ATXN1: variants seen among roughly 807,000 people sequenced by gnomAD.
The protein encoded by ATXN1 is ataxin 1, also known as ataxin-1.
In ATXN1, 8 loss-of-function variants were observed where a neutral mutation model predicts 56.4. The ratio of observed to expected loss-of-function variants is 0.14; its 90% confidence interval spans 0.08 to 0.26. The LOEUF (loss-of-function observed/expected upper bound fraction) is 0.26. Among genes scored for constraint, ATXN1 ranks in the 10% least tolerant of loss-of-function variants. The probability of loss-of-function intolerance (pLI) is 1.00; values close to 1 mark genes in which losing one functional copy is unlikely to be tolerated. For synonymous variants in ATXN1, 514 were observed against 494.6 expected (o/e 1.04, Z -0.52); for missense variants, 987 against 1,106.5 (o/e 0.89, Z 1.53).
chr6:16,338,115 G>A (rs1425889047), intron 6 of ATXN1, among the ~76,000 whole-genome samples: 1 of 152,170 alleles, frequency 6.6e-6, no homozygotes, highest in Admixed American at 6.5e-5. Flanking sequence ...ACACAGAATT[G>A]TAGTTAGAGT....
chr6:16,647,893 C>T (rs71554586), intron 3 of ATXN1, among the ~76,000 whole-genome samples: 8 of 152,074 alleles, frequency 5.3e-5, no homozygotes, highest in East Asian at 3.9e-4. Flanking sequence ...CTGGCCAATA[C>T]GGTGAGACCC....
chr6:16,521,021 C>T (rs1761278173), intron 5 of ATXN1, among the ~76,000 whole-genome samples: 1 of 152,182 alleles, frequency 6.6e-6, no homozygotes, highest in Admixed American at 6.5e-5. Context: ...TAATACTACC[C>T]TTTGACCACT....
At chr6:16,347,090 G>A (rs1761425444) in intron 6 of ATXN1, among the ~76,000 whole-genome samples, 1 of 152,240 alleles carries the variant, frequency 6.6e-6, no homozygotes, top group Non-Finnish European at 1.5e-5. Flanking sequence ...CAGGGCTCGG[G>A]ACCTGCAGCC....
intron 6 of ATXN1, among the ~76,000 whole-genome samples, chr6:16,392,986 G>A (rs1016568405): frequency 6.6e-6 from 1 of 152,172 alleles, no homozygotes; most frequent in East Asian, 1.9e-4. Flanking sequence ...CTCATAAGAG[G>A]TCACATGGCT....
intron 6 of ATXN1, among the ~76,000 whole-genome samples, chr6:16,378,903 C>T (rs1400614671): frequency 6.6e-6 from 1 of 152,122 alleles, no homozygotes; most frequent in Non-Finnish European, 1.5e-5. Context: ...TTCAGCAAGC[C>T]CACTACTGGG....
At chr6:16,504,067 T>C (rs906592620) in intron 5 of ATXN1, among the ~76,000 whole-genome samples, 16 of 152,188 alleles carry the variant, frequency 1.1e-4, no homozygotes, top group African/African-American at 3.9e-4. Flanking sequence ...CCACCTGCTA[T>C]ATATCTTGTG....
chr6:16,314,134 G>C (rs1760460498), intron 7 of ATXN1, among the ~76,000 whole-genome samples: 1 of 152,200 alleles, frequency 6.6e-6, no homozygotes, highest in African/African-American at 2.4e-5. Flanking sequence ...TCACTAATTA[G>C]TGTGAACTAC....
At chr6:16,465,057 A>G (rs1464936086) in intron 6 of ATXN1, among the ~76,000 whole-genome samples, 1 of 152,218 alleles carries the variant, frequency 6.6e-6, no homozygotes. Context: ...TCTATAAAAA[A>G]GCCTATTAAT....
intron 2 of ATXN1, among the ~76,000 whole-genome samples, chr6:16,674,173 A>T (rs1383647898): frequency 6.6e-6 from 1 of 152,062 alleles, no homozygotes; most frequent in Non-Finnish European, 1.5e-5. Flanking sequence ...CTTTTTTTTA[A>T]AATGGCCCCA....
intron 4 of ATXN1, among the ~76,000 whole-genome samples, chr6:16,567,596 G>T (rs1398930212): frequency 6.6e-6 from 1 of 152,130 alleles, no homozygotes; most frequent in Non-Finnish European, 1.5e-5. Flanking sequence ...CCTCCTAACA[G>T]AACAGCATCA....
chr6:16,713,226 C>A (rs1007932500), intron 2 of ATXN1, among the ~76,000 whole-genome samples: 2 of 152,146 alleles, frequency 1.3e-5, no homozygotes, highest in African/African-American at 2.4e-5. Context: ...CTAGAGGGAC[C>A]GCTCCATGAA....
intron 3 of ATXN1, among the ~76,000 whole-genome samples, chr6:16,646,192 G>A (rs1171764589): frequency 6.6e-6 from 1 of 152,144 alleles, no homozygotes; most frequent in African/African-American, 2.4e-5. Flanking sequence ...ACTGTACTCA[G>A]CCTGGGTGAC....
In ATXN1 at chr6:16,334,312, G is replaced by T. The variant is rs755552984; in HGVS notation, c.-160-5842C>A. Reference sequence around the variant, plus strand: ...ACAGCTCAATTAGCCTACTAGCAGGGTTGAAGAGATCTGGTTTAATAATGG... The same window carrying T: ...ACAGCTCAATTAGCCTACTAGCAGGTTTGAAGAGATCTGGTTTAATAATGG... On this transcript the variant is annotated intron_variant, in intron 6 of 7. Transcript: ENST00000436367. 2.6e-5 allele frequency among the ~76,000 whole-genome samples: 4 copies of T among 152,172 alleles called. No homozygotes were observed. In the East Asian group the frequency reaches 7.7e-4, roughly 29 times the overall value.
intron 6 of ATXN1, among the ~76,000 whole-genome samples, chr6:16,336,621 G>GA (rs1323278292): frequency 2.6e-5 from 4 of 152,184 alleles, no homozygotes; most frequent in South Asian, 4.1e-4. Context: ...ACATGCTTTT[G>GA]AAACAAGCTC....
chr6:16,685,408 A>C (rs1758897131), intron 2 of ATXN1, among the ~76,000 whole-genome samples: 1 of 152,182 alleles, frequency 6.6e-6, no homozygotes, highest in Non-Finnish European at 1.5e-5. Flanking sequence ...ATGAGTAACT[A>C]GTGAGGGCAT....
chr6:16,357,432 G>T (rs896810159), intron 6 of ATXN1, among the ~76,000 whole-genome samples: 1 of 151,914 alleles, frequency 6.6e-6, no homozygotes, highest in Non-Finnish European at 1.5e-5. Context: ...ACCATGCCCG[G>T]CTAATTTTTG....
At chr6:16,608,210 T>C (rs1763045588) in intron 3 of ATXN1, among the ~76,000 whole-genome samples, 1 of 152,230 alleles carries the variant, frequency 6.6e-6, no homozygotes, top group African/African-American at 2.4e-5. Context: ...AAACCTGCTC[T>C]ACATCTGTCT....
At chr6:16,542,832 TAAC>T (rs147536377) in intron 4 of ATXN1, among the ~76,000 whole-genome samples, 9,581 of 152,110 alleles carry the variant, frequency 0.063, 557 homozygotes, top group African/African-American at 0.15. Context: ...AGTAAGAGAT[TAAC>T]AACAAAAACT....
chr6:16,604,155 A>G (rs1401817675), intron 3 of ATXN1, among the ~76,000 whole-genome samples: 1 of 152,092 alleles, frequency 6.6e-6, no homozygotes, highest in African/African-American at 2.4e-5. Context: ...AACGATGGAA[A>G]GCAGATGGAA....
Sources: allele counts gnomAD v4.1 joint callset (sites outside exome capture counted in the v4.1 genomes callset), GRCh38; gene constraint gnomAD v4.1.1; transcripts MANE v1.5; gene names NCBI Gene and HGNC (gene_info 2026-07-23, HGNC 2026-07-21).